The following LYRM4 variants were observed in gnomAD, a reference collection of about 807,000 sequenced individuals.
LYRM4 encodes LYR motif-containing protein 4.
Under a neutral mutation model 11.7 loss-of-function variants are expected in LYRM4, and 9 were observed. That is an observed-to-expected ratio of 0.77 (90% confidence interval 0.46 to 1.34). The LOEUF is 1.34. LYRM4 is among the 40% of genes most tolerant of loss of function. The pLI is 0.00. For missense variants in LYRM4, 133 were observed against 112.5 expected (o/e 1.18, Z -0.82); for synonymous variants, 42 against 40.4 (o/e 1.04, Z -0.15).
chr6:5,041,410 A>C, the LYRM4 span, among the ~76,000 whole-genome samples: 1 of 152,218 alleles, frequency 6.6e-6, no homozygotes, highest in African/African-American at 2.4e-5. Flanking sequence ...CTGTGAAAAT[A>C]AGATGTTCTC....
chr6:5,254,131 G>A (rs1171943196), intron 1 of LYRM4, among the ~76,000 whole-genome samples: 6 of 152,150 alleles, frequency 3.9e-5, no homozygotes, highest in Admixed American at 1.3e-4. Context: ...CACTGAAAAC[G>A]GCAATGCCTG....
chr6:5,221,803 G>T (rs1762600551), intron 1 of LYRM4, among the ~76,000 whole-genome samples: 1 of 152,228 alleles, frequency 6.6e-6, no homozygotes, highest in Non-Finnish European at 1.5e-5. Flanking sequence ...AATACTTAGA[G>T]ACTCATCCTA....
intron 2 of LYRM4, among the ~76,000 whole-genome samples, chr6:5,125,194 C>A (rs1048878421): frequency 1.3e-5 from 2 of 152,248 alleles, no homozygotes; most frequent in Non-Finnish European, 2.9e-5. Context: ...TCTAGAGACA[C>A]ATGCTCATCA....
At chr6:5,058,046 C>G in the LYRM4 span, among the ~76,000 whole-genome samples, 1 of 152,158 alleles carries the variant, frequency 6.6e-6, no homozygotes, top group South Asian at 2.1e-4. Context: ...GCCACCACAC[C>G]CTGCCTCTAT....
chr6:5,062,884 C>G, the LYRM4 span, among the ~76,000 whole-genome samples: 1 of 152,104 alleles, frequency 6.6e-6, no homozygotes, highest in Non-Finnish European at 1.5e-5. Flanking sequence ...CAAATCAAAG[C>G]CTGCCGCAAG....
chr6:5,163,874 C>T (rs763645526), intron 2 of LYRM4, among the ~76,000 whole-genome samples: 6 of 151,970 alleles, frequency 3.9e-5, no homozygotes, highest in Non-Finnish European at 7.4e-5. Context: ...CCCAAAGTGC[C>T]GGGATTACAG....
chr6:5,164,683 A>C (rs533098789), intron 2 of LYRM4, among the ~76,000 whole-genome samples: 1 of 152,110 alleles, frequency 6.6e-6, no homozygotes, highest in East Asian at 1.9e-4. Context: ...AAAAATCCAT[A>C]TTGGCCGGGT....
chr6:5,052,955 G>T, the LYRM4 span, among the ~76,000 whole-genome samples: 6 of 152,068 alleles, frequency 3.9e-5, no homozygotes, highest in South Asian at 1.2e-3. Context: ...TCTCACTTTT[G>T]GTTATTACTA....
At chr6:5,186,418 T>C (rs764618477) in intron 2 of LYRM4, among the ~76,000 whole-genome samples, 13 of 152,208 alleles carry the variant, frequency 8.5e-5, no homozygotes, top group Non-Finnish European at 1.6e-4. Context: ...GTTCTGGCCT[T>C]GCGTTCTGGT....
At chr6:5,161,146 TTAA>T (rs1391442164) in intron 2 of LYRM4, among the ~76,000 whole-genome samples, 3 of 152,208 alleles carry the variant, frequency 2.0e-5, no homozygotes, top group African/African-American at 7.2e-5. Flanking sequence ...CCACCTTATA[TTAA>T]TGATATATAA....
Position 5,216,687 on chromosome 6 carries a change from T to C in LYRM4, c.138A>G (p.Val46=). The change falls in exon 2 of 3, where the codon GTA becomes GTG. Residue 46 remains valine (V), a synonymous_variant. Coordinates refer to ENST00000330636, the MANE Select transcript of LYRM4 (RefSeq NM_020408.6). Reference sequence around the variant, plus strand: ...GGGTTTGAATTTCTACAGGATCCTTTACATTTTTATTTTCTCTGAAGGCAT... The same window carrying C: ...GGGTTTGAATTTCTACAGGATCCTTCACATTTTTATTTTCTCTGAAGGCAT... ...IRDAFRENKN[V]KDPVEIQTLV... is the part of the protein sequence containing the mutation. 6.2e-7 allele frequency: 1 copy of C among 1,614,014 alleles called. No individual in the cohort carries two copies. Among genetic ancestry groups the C allele is most frequent in the Non-Finnish European group, 8.5e-7 (1 of 1,179,984 alleles).
intron 1 of LYRM4, among the ~76,000 whole-genome samples, chr6:5,260,432 G>A (rs1764972282): frequency 6.6e-6 from 1 of 152,204 alleles, no homozygotes; most frequent in Non-Finnish European, 1.5e-5. Flanking sequence ...AGACATGAAC[G>A]TCTCCCCTGG....
chr6:5,245,100 AAAAAAAAAAAAAAATATATATATAT>A (rs1360629043), intron 1 of LYRM4, among the ~76,000 whole-genome samples: 2 of 50,832 alleles, frequency 3.9e-5, no homozygotes, highest in African/African-American at 1.5e-4. Context: ...AAAAAAAAAA[AAAAAAAAAAAAAAATATATATATAT>A]ATATATATAT....
intron 1 of LYRM4, among the ~76,000 whole-genome samples, chr6:5,239,499 G>T (rs988609500): frequency 6.6e-6 from 1 of 152,078 alleles, no homozygotes; most frequent in Non-Finnish European, 1.5e-5. Flanking sequence ...TCTAGGGAGG[G>T]TGTGGGAAGG....
At chr6:5,038,263 G>A in the LYRM4 span, among the ~76,000 whole-genome samples, 4 of 57,876 alleles carry the variant, frequency 6.9e-5, no homozygotes, top group African/African-American at 1.4e-4. Flanking sequence ...CTGGGAAGAG[G>A]CGCTCCTCAC....
chr6:5,066,497 T>C, the LYRM4 span: 1 of 780,372 alleles, frequency 1.3e-6, no homozygotes, highest in Non-Finnish European at 2.4e-6. Context: ...CGGGTGGTTT[T>C]ATTACTCCAC....
chr6:5,079,017 A>G, the LYRM4 span, among the ~76,000 whole-genome samples: 1 of 152,232 alleles, frequency 6.6e-6, no homozygotes, highest in East Asian at 1.9e-4. Context: ...CTTGGGTTCT[A>G]TGGCTGGGCC....
chr6:5,058,200 G>A, the LYRM4 span, among the ~76,000 whole-genome samples: 1 of 152,154 alleles, frequency 6.6e-6, no homozygotes, highest in Non-Finnish European at 1.5e-5. Flanking sequence ...TGACTGGAGA[G>A]AGGAGAGGAC....
rs1165596430 is a variant in LYRM4, at chr6:5,260,865, G to T, written c.-132C>A. On this transcript the variant is annotated 5_prime_UTR_variant, in exon 1 of 3. Coordinates refer to ENST00000330636, the MANE Select transcript of LYRM4 (RefSeq NM_020408.6). Reference sequence around the variant, plus strand: ...GCGGCTCGGCTTTGCCAGCGGGCCGGGCCTAAGCCTAAGCGGGCAGCCCTG... The same window carrying T: ...GCGGCTCGGCTTTGCCAGCGGGCCGTGCCTAAGCCTAAGCGGGCAGCCCTG... 13 of 1,466,894 alleles carry T rather than the reference G, an allele frequency of 8.9e-6. No individual in the cohort carries two copies. Among genetic ancestry groups the T allele is most frequent in the Non-Finnish European group, 1.2e-5 (13 of 1,115,260 alleles). 90.9% of individuals were successfully genotyped at this position (1,466,894 alleles called of 1,614,324 possible).
Sources: gnomAD v4.1 joint callset for allele counts (sites outside exome capture counted in the v4.1 genomes callset) on GRCh38, gnomAD v4.1.1 for gene constraint, MANE v1.5 for transcripts, NCBI Gene and HGNC (gene_info 2026-07-23, HGNC 2026-07-21) for gene names.